The following UBR3 variants were observed in gnomAD, a reference collection of about 807,000 sequenced individuals.
UBR3 encodes ubiquitin protein ligase E3 component n-recognin 3.
UBR3 carries 85 observed loss-of-function variants against 243.2 expected under a neutral mutation model. The observed-to-expected ratio is 0.35, with a 90% confidence interval of 0.29 to 0.42. The LOEUF is 0.42. Ranked by LOEUF, UBR3 falls within the 10% of genes least tolerant of loss-of-function variation. UBR3 has a pLI of 1.00. For missense variants in UBR3, 1,686 were observed against 2,300.8 expected (o/e 0.73, Z 5.47); for synonymous variants, 748 against 799.8 (o/e 0.94, Z 1.09).
At chr2:169,880,738 T>C (rs2083789700) in intron 5 of UBR3, among the ~76,000 whole-genome samples, 1 of 152,170 alleles carries the variant, frequency 6.6e-6, no homozygotes, top group South Asian at 2.1e-4. Flanking sequence ...TAATCTGTCC[T>C]TTTTAGGTCC....
In UBR3 at chr2:169,950,039, G is replaced by C; in HGVS notation, c.3519G>C (p.Glu1173Asp). ...PVPPKKVTAA[E>D]KKTLDKEERR... ...CACCTAAAAAAGTCACTGCAGCAGA[G>C]AAGAAAACATTGGACAAAGAAGAAA... The change falls in exon 23 of 39, where the codon GAG (glutamate) becomes GAC (aspartate). Residue 1173 changes from glutamate to aspartate, a missense_variant. Glu to Asp is a conservative substitution (Grantham distance 45). Around this residue, in one of 8 missense-constraint regions of UBR3, gnomAD observed 300 missense variants for 314.4 expected, o/e 0.95. Transcript: ENST00000272793. 1 of 1,567,562 alleles carries C rather than the reference G, an allele frequency of 6.4e-7. No individual in the cohort carries two copies. The highest frequency in any genetic ancestry group is 8.6e-7 in the Non-Finnish European group (1 of 1,161,098).
chr2:169,940,038 C>A (rs2086518559), intron 19 of UBR3, among the ~76,000 whole-genome samples: 1 of 151,812 alleles, frequency 6.6e-6, no homozygotes, highest in South Asian at 2.1e-4. Flanking sequence ...TTAACATTAC[C>A]TTTTACACAG....
rs139276742 is a variant in UBR3 at position 170,023,872 on chromosome 2, G to A, written c.4454-5474G>A. Among the ~76,000 whole-genome samples, 322 of 152,018 alleles carry A rather than the reference G, an allele frequency of 2.1e-3. 2 individuals are homozygous for A. Among genetic ancestry groups the A allele is most frequent in the African/African-American group, 7.4e-3 (308 of 41,472 alleles). On this transcript the variant is annotated intron_variant, in intron 30 of 38. Transcript: ENST00000272793. ...ATTACAGGCGTAAGCCATTGTGCCC[G>A]GCCTAATTTTTGTATTTTTTAGTAG...
chr2:169,851,680 A>T (rs934150113), intron 1 of UBR3, among the ~76,000 whole-genome samples: 3 of 152,060 alleles, frequency 2.0e-5, no homozygotes, highest in African/African-American at 7.2e-5. Context: ...CTTGGCCAAC[A>T]TGGTGAAACC....
chr2:170,081,510 T>C (rs1245194076), intron 38 of UBR3, among the ~76,000 whole-genome samples: 1 of 149,646 alleles, frequency 6.7e-6, no homozygotes, highest in East Asian at 2.0e-4. Flanking sequence ...AAAAAAGAAA[T>C]AAGTAAATAA....
chr2:170,044,376 G>A (rs2091034831), intron 32 of UBR3, among the ~76,000 whole-genome samples: 4 of 152,082 alleles, frequency 2.6e-5, no homozygotes, highest in Admixed American at 2.6e-4. Flanking sequence ...TTAATGCTTA[G>A]CATTGTTTTC....
chr2:169,927,227 T>G (rs2085943079), intron 16 of UBR3, 93 bp from the exon 17 acceptor site: 3 of 1,184,814 alleles, frequency 2.5e-6, no homozygotes, highest in Non-Finnish European at 1.2e-6. Flanking sequence ...CATCTTATAT[T>G]TGGTAAAACA....
intron 29 of UBR3, among the ~76,000 whole-genome samples, chr2:170,009,532 A>C (rs2090022677): frequency 6.6e-6 from 1 of 152,126 alleles, no homozygotes. Flanking sequence ...AATTGTATGC[A>C]ATACAGAAGC....
chr2:169,996,646 A>G (rs569297308), intron 26 of UBR3, among the ~76,000 whole-genome samples: 30 of 150,158 alleles, frequency 2.0e-4, no homozygotes, highest in Non-Finnish European at 3.5e-4. Context: ...ATGTGTGTAC[A>G]CATATTTTCA....
intron 24 of UBR3, among the ~76,000 whole-genome samples, chr2:169,961,176 TTCCAATGGACCAGTTCTTTTCCAA>T (rs2087554749): frequency 1.3e-5 from 2 of 152,096 alleles, no homozygotes; most frequent in South Asian, 4.1e-4. Flanking sequence ...TGGAATTCTT[TTCCAATGGACCAGTTCTTTTCCAA>T]TCTGGTCCAT....
chr2:169,895,212 A>C lies in UBR3; in HGVS notation c.1137A>C (p.Lys379Asn). The change falls in exon 7 of 39, where the codon AAA becomes AAC. Residue 379 changes from lysine (K) to asparagine (N), a missense_variant. Around this residue, in one of 8 missense-constraint regions of UBR3, gnomAD observed 200 missense variants for 231.6 expected, o/e 0.86. Coordinates refer to ENST00000272793, the MANE Select transcript of UBR3 (RefSeq NM_172070.4). ...CCATAATGGATGTTTTGAAGCATAA[A>C]AGCTTCCTAGAAGAACTATTATTTT... ...DQSIMDVLKH[K>N]SFLEELLFWT... The C allele has an allele frequency of 3.9e-6, 6 of 1,534,372 alleles. No individual in the cohort carries two copies. The highest frequency in any genetic ancestry group is 5.2e-6 in the Non-Finnish European group (6 of 1,142,896).
chr2:170,019,532 A>C (rs574192869), intron 30 of UBR3, among the ~76,000 whole-genome samples: 21 of 152,104 alleles, frequency 1.4e-4, no homozygotes, highest in Non-Finnish European at 2.6e-4. Flanking sequence ...AAAGAAAAAT[A>C]AAATTAGCTG....
Position 170,012,909 on chromosome 2 carries a change from C to G in UBR3, c.4368-2372C>G, listed in dbSNP as rs1010801745. ...GAGAGGACAGCATACTTTGGTCATG[C>G]AAAAAGAAGCTGGAGCATAGTTAGA... On this transcript the variant is annotated intron_variant, in intron 29 of 38. Coordinates refer to ENST00000272793, the MANE Select transcript of UBR3 (RefSeq NM_172070.4). 2.0e-5 allele frequency among the ~76,000 whole-genome samples: 3 copies of G among 151,934 alleles called. No individual in the cohort carries two copies. The East Asian group carries it at 5.8e-4, about 29-fold the overall frequency.
At chr2:169,979,020 A>G (rs1395552188) in intron 24 of UBR3, among the ~76,000 whole-genome samples, 1 of 152,202 alleles carries the variant, frequency 6.6e-6, no homozygotes, top group East Asian at 1.9e-4. Flanking sequence ...CACACATCTG[A>G]TAAAGGACTG....
At chr2:169,961,817 A>G (rs1287975973) in intron 24 of UBR3, among the ~76,000 whole-genome samples, 5 of 150,954 alleles carry the variant, frequency 3.3e-5, no homozygotes, top group Non-Finnish European at 5.9e-5. Context: ...TTAGTGCTCA[A>G]TGAGCCTTTT....
At position 169,875,872 on chromosome 2, in the gene UBR3, C is replaced by G. The variant is rs773075477; in HGVS notation, c.767C>G (p.Thr256Ser). 7 of 1,550,010 alleles carry G rather than the reference C, an allele frequency of 4.5e-6. No homozygotes were observed. The South Asian group carries it at 8.3e-5, about 18-fold the overall frequency. Residue 256 changes from threonine to serine, a missense_variant, in exon 3 of 39, where the codon ACT (threonine) becomes AGT (serine). Thr to Ser is a moderately conservative substitution (Grantham distance 58). This residue lies in a region of UBR3 where 200 missense variants were observed against 231.6 expected (regional missense o/e 0.86). Transcript: ENST00000272793. Reference protein sequence around the residue: ...EPQISFLEDLTKMGGAMRSVL... With the variant: ...EPQISFLEDLSKMGGAMRSVL... The stretch of plus-strand genomic sequence containing the variant: ...CAAATTTCCTTTTTAGAAGACCTGA[C>G]TAAAATGGGAGGAGCAATGCGGTCT...
At chr2:169,833,335 T>C (rs2081995147) in intron 1 of UBR3, among the ~76,000 whole-genome samples, 1 of 152,234 alleles carries the variant, frequency 6.6e-6, no homozygotes, top group Admixed American at 6.5e-5. Flanking sequence ...AGGAGTTTCA[T>C]GTTCTGTCCT....
At chr2:169,831,114 T>TATAC (rs2081919372) in intron 1 of UBR3, among the ~76,000 whole-genome samples, 1 of 50,400 alleles carries the variant, frequency 2.0e-5, no homozygotes, top group Non-Finnish European at 4.6e-5. Flanking sequence ...ACATTATATA[T>TATAC]ATATATATAT....
intron 35 of UBR3, among the ~76,000 whole-genome samples, chr2:170,067,454 A>G (rs1241002166): frequency 6.6e-6 from 1 of 152,182 alleles, no homozygotes; most frequent in Non-Finnish European, 1.5e-5. Flanking sequence ...GTAATCAATA[A>G]CAAGTAGAGA....
Sources: allele counts gnomAD v4.1 joint callset (sites outside exome capture counted in the v4.1 genomes callset), GRCh38; gene constraint gnomAD v4.1.1; regional missense constraint gnomAD v4.1.1; transcripts MANE v1.5; gene names NCBI Gene and HGNC (gene_info 2026-07-23, HGNC 2026-07-21).